The following PLXDC2 variants were observed in gnomAD, a reference collection of about 807,000 sequenced individuals.
PLXDC2 encodes the protein plexin domain containing 2.
A neutral mutation model predicts 68.9 loss-of-function variants in PLXDC2; 40 were observed. The observed-to-expected ratio is 0.58, with a 90% CI of 0.45 to 0.76. The LOEUF (loss-of-function observed/expected upper bound fraction) is 0.76. Ranked by LOEUF, PLXDC2 falls within the 30% of genes least tolerant of loss-of-function variation. The probability of loss-of-function intolerance (pLI) is 0.00; values close to 1 mark genes in which losing one functional copy is unlikely to be tolerated. For synonymous variants in PLXDC2, 243 were observed against 234.2 expected (o/e 1.04, Z -0.34); for missense variants, 644 against 661.9 (o/e 0.97, Z 0.30).
At chr10:20,082,045 G>GAACAAAAAA (rs1836569277) in intron 4 of PLXDC2, among the ~76,000 whole-genome samples, 1 of 9,614 alleles carries the variant, frequency 1.0e-4, no homozygotes, top group East Asian at 0.019. Flanking sequence ...AACTCCATCT[G>GAACAAAAAA]AAAAAAAAAA....
At chr10:20,071,707 G>T (rs543832283) in intron 4 of PLXDC2, among the ~76,000 whole-genome samples, 1 of 152,316 alleles carries the variant, frequency 6.6e-6, no homozygotes, top group South Asian at 2.1e-4. Context: ...CAGGCATGCT[G>T]CGAATAAGCA....
chr10:20,233,406 C>G (rs1038603375), intron 12 of PLXDC2, among the ~76,000 whole-genome samples: 4 of 151,638 alleles, frequency 2.6e-5, no homozygotes, highest in African/African-American at 7.3e-5. Flanking sequence ...GCACAACTTC[C>G]CATGTAGTTG....
At chr10:20,053,238 C>T (rs1835934995) in intron 3 of PLXDC2, among the ~76,000 whole-genome samples, 1 of 152,036 alleles carries the variant, frequency 6.6e-6, no homozygotes, top group Non-Finnish European at 1.5e-5. Flanking sequence ...ATTACATGTG[C>T]TTTCAAATCT....
intron 1 of PLXDC2, among the ~76,000 whole-genome samples, chr10:19,995,399 A>G (rs914684381): frequency 1.3e-5 from 2 of 152,222 alleles, no homozygotes; most frequent in Non-Finnish European, 2.9e-5. Flanking sequence ...ACACGTTCAC[A>G]GTGTGAAATA....
chr10:19,911,423 C>G (rs898760455), intron 1 of PLXDC2, among the ~76,000 whole-genome samples: 8 of 152,158 alleles, frequency 5.3e-5, no homozygotes, highest in Non-Finnish European at 8.8e-5. Flanking sequence ...CCTTAGTTGT[C>G]TCATTCAAGT....
At chr10:19,872,828 A>C (rs1045588733) in intron 1 of PLXDC2, among the ~76,000 whole-genome samples, 12 of 152,196 alleles carry the variant, frequency 7.9e-5, no homozygotes, top group African/African-American at 2.9e-4. Context: ...CCAAATGTAA[A>C]AAAAACACAC....
chr10:20,119,915 AAAGGTCT>A (rs1351885823), intron 4 of PLXDC2, among the ~76,000 whole-genome samples: 6 of 152,202 alleles, frequency 3.9e-5, no homozygotes, highest in African/African-American at 1.2e-4. Flanking sequence ...AACAGGTATT[AAAGGTCT>A]AAGAATTGGG....
intron 1 of PLXDC2, among the ~76,000 whole-genome samples, chr10:19,925,997 G>A (rs1418954533): frequency 6.6e-6 from 1 of 152,150 alleles, no homozygotes; most frequent in Non-Finnish European, 1.5e-5. Flanking sequence ...GTATCCACAT[G>A]GAGGCATTAG....
chr10:20,064,520 A>G (rs974810699), intron 3 of PLXDC2, among the ~76,000 whole-genome samples: 1 of 152,048 alleles, frequency 6.6e-6, no homozygotes, highest in African/African-American at 2.4e-5. Flanking sequence ...TTTTTATGAC[A>G]ATGCCCAGGG....
intron 1 of PLXDC2, among the ~76,000 whole-genome samples, chr10:19,976,061 G>A (rs113309307): frequency 0.025 from 3,734 of 152,204 alleles, 158 homozygotes; most frequent in African/African-American, 0.085. Flanking sequence ...GCATCCCTAA[G>A]TGGCCTATCC....
At chr10:20,165,736 C>T (rs1251921357) in intron 7 of PLXDC2, among the ~76,000 whole-genome samples, 15 of 152,120 alleles carry the variant, frequency 9.9e-5, no homozygotes, top group African/African-American at 2.2e-4. Flanking sequence ...CTTTAAATTA[C>T]GTTTGCCCAT....
intron 1 of PLXDC2, among the ~76,000 whole-genome samples, chr10:19,837,911 A>C (rs1836829661): frequency 6.6e-6 from 1 of 152,200 alleles, no homozygotes; most frequent in South Asian, 2.1e-4. Flanking sequence ...AAAAGTGACT[A>C]ACGTAAAACC....
intron 4 of PLXDC2, among the ~76,000 whole-genome samples, chr10:20,111,122 G>T (rs1407603252): frequency 6.6e-6 from 1 of 152,168 alleles, no homozygotes; most frequent in Non-Finnish European, 1.5e-5. Context: ...TAGGCAGATG[G>T]GGTTATGATG....
At chr10:20,217,697 T>C (rs1274314655) in intron 11 of PLXDC2, 121 bp downstream of exon 11, 2 of 1,193,124 alleles carry the variant, frequency 1.7e-6, no homozygotes, top group Non-Finnish European at 1.1e-6. Context: ...TCTCTAAAGT[T>C]ATTCTTTGGC....
At chr10:19,906,265 T>C (rs1833155837) in intron 1 of PLXDC2, among the ~76,000 whole-genome samples, 1 of 152,062 alleles carries the variant, frequency 6.6e-6, no homozygotes, top group Non-Finnish European at 1.5e-5. Flanking sequence ...TAGGAAACAA[T>C]TGGCACTGAG....
chr10:19,916,499 A>T (rs1350140091), intron 1 of PLXDC2, among the ~76,000 whole-genome samples: 1 of 152,002 alleles, frequency 6.6e-6, no homozygotes, highest in African/African-American at 2.4e-5. Context: ...TACATAAGCA[A>T]TCAAAGTCTC....
At chr10:20,174,179 A>G (rs1422859098) in intron 7 of PLXDC2, among the ~76,000 whole-genome samples, 1 of 152,148 alleles carries the variant, frequency 6.6e-6, no homozygotes, top group East Asian at 1.9e-4. Context: ...ATCTTATGGA[A>G]AGGCCACATT....
At chr10:20,209,173 A>G (rs1835033923) in intron 9 of PLXDC2, among the ~76,000 whole-genome samples, 1 of 152,130 alleles carries the variant, frequency 6.6e-6, no homozygotes, top group Non-Finnish European at 1.5e-5. Flanking sequence ...TTAGGTGGGA[A>G]TTTCCTCATC....
At chr10:20,168,323 T>C (rs1834401164) in intron 7 of PLXDC2, among the ~76,000 whole-genome samples, 1 of 152,176 alleles carries the variant, frequency 6.6e-6, no homozygotes, top group African/African-American at 2.4e-5. Context: ...GTACACAGCA[T>C]GCATTACCTA....
Sources: allele counts gnomAD v4.1 joint callset (sites outside exome capture counted in the v4.1 genomes callset), GRCh38; gene constraint gnomAD v4.1.1; transcripts MANE v1.5; gene names NCBI Gene and HGNC (gene_info 2026-07-23, HGNC 2026-07-21).